Variants in PTPRQ observed in about 807,000 individuals in gnomAD.
PTPRQ encodes the protein phosphatidylinositol phosphatase PTPRQ.
Under a neutral mutation model 246.0 loss-of-function variants are expected in PTPRQ, and 199 were observed. That is an observed-to-expected ratio of 0.81 (90% confidence interval 0.72 to 0.91). The LOEUF (loss-of-function observed/expected upper bound fraction) is 0.91, where lower values mean the gene tolerates loss of function less well. Ranked by LOEUF, PTPRQ falls within the 40% of genes least tolerant of loss-of-function variation. The pLI is 0.00. For synonymous variants in PTPRQ, 869 were observed against 853.2 expected, an observed-to-expected ratio of 1.02 and a Z score of -0.32; for missense variants, 2,624 against 2,528.4, an observed-to-expected ratio of 1.04 and a Z score of -0.81.
rs544814026 is a variant in PTPRQ, at chr12:80,516,678, C to T, written c.2678+6235C>T. On this transcript the variant is annotated intron_variant, in intron 17 of 44. Coordinates refer to ENST00000644991, the MANE Select transcript of PTPRQ (RefSeq NM_001145026.2). ...TCTGAATCCTAAAAAAGTATACCTA[C>T]TCTAGTTTCTCCAAGTTTTCTAAAA... Among the ~76,000 whole-genome samples, 3 of 152,294 alleles carry T rather than the reference C, an allele frequency of 2.0e-5. No individual in the cohort carries two copies. In the East Asian group the frequency reaches 5.8e-4, roughly 29 times the overall value.
Position 80,444,385 on chromosome 12 carries a change from A to G in PTPRQ, c.40A>G (p.Thr14Ala). The G allele has an allele frequency of 6.8e-7, 1 of 1,476,160 alleles. No individual in the cohort carries two copies. Among genetic ancestry groups the G allele is most frequent in the Non-Finnish European group, 9.2e-7 (1 of 1,081,276 alleles). 91.4% of individuals were successfully genotyped at this position (1,476,160 alleles called of 1,614,324 possible). ...CATTTTTCTTTTACTTTTTATTGGGACTTCAGAGACACAGGTATTTCGTAT... is the reference window on the plus strand; with the variant it reads ...CATTTTTCTTTTACTTTTTATTGGGGCTTCAGAGACACAGGTATTTCGTAT... The part of the protein sequence containing the change: ...LIIFLLLFIG[T>A]SETQVDVSNV... Residue 14 changes from threonine to alanine, a missense_variant, in exon 1 of 45, where the codon ACT becomes GCT. Coordinates refer to ENST00000644991, the MANE Select transcript of PTPRQ (RefSeq NM_001145026.2).
At chr12:80,493,781 C>T (rs568171094) in intron 10 of PTPRQ, among the ~76,000 whole-genome samples, 15 of 152,086 alleles carry the variant, frequency 9.9e-5, no homozygotes, top group African/African-American at 2.9e-4. Context: ...ATTTACAGGC[C>T]TCACATTCTC....
Position 80,468,702 on chromosome 12 carries a change from T to C in PTPRQ, c.911-8T>C. The C allele has an allele frequency of 6.5e-7, 1 of 1,527,204 alleles. No homozygotes were observed. Among genetic ancestry groups the C allele is most frequent in the African/African-American group, 1.4e-5 (1 of 72,138 alleles). 94.6% of individuals were successfully genotyped at this position (1,527,204 alleles called of 1,614,324 possible). On this transcript the variant is annotated splice_region_variant and splice_polypyrimidine_tract_variant and intron_variant, in intron 6 of 44. Transcript: ENST00000644991. ...ATGTTATGTATTTATTTTCTATAAT[T>C]ATTTTAGTGCCTGAAGGACCACCAC...
chr12:80,486,958 T>C (rs1426838043), intron 9 of PTPRQ, among the ~76,000 whole-genome samples: 1 of 152,146 alleles, frequency 6.6e-6, no homozygotes, highest in East Asian at 1.9e-4. Context: ...TCTTTGGCCT[T>C]GCACAATTAA....
chr12:80,674,690 TATTTTCAA>T (rs1456465132), intron 43 of PTPRQ, among the ~76,000 whole-genome samples: 1 of 152,202 alleles, frequency 6.6e-6, no homozygotes, highest in Admixed American at 6.5e-5. Context: ...GAATAAGGAA[TATTTTCAA>T]AACCTTGCTA....
At chr12:80,474,094 C>G (rs1223042226) in intron 8 of PTPRQ, among the ~76,000 whole-genome samples, 1 of 152,236 alleles carries the variant, frequency 6.6e-6, no homozygotes, top group African/African-American at 2.4e-5. Flanking sequence ...CTTTCTACTT[C>G]TGACACCACT....
chr12:80,536,563 A>G (rs1592627319), intron 19 of PTPRQ, among the ~76,000 whole-genome samples: 2 of 152,148 alleles, frequency 1.3e-5, no homozygotes, highest in Admixed American at 1.3e-4. Context: ...TGTAGATATA[A>G]TTATAGCTGT....
intron 30 of PTPRQ, among the ~76,000 whole-genome samples, chr12:80,617,517 C>T (rs955513016): frequency 6.6e-6 from 1 of 151,304 alleles, no homozygotes; most frequent in African/African-American, 2.4e-5. Context: ...TTAAATTTAT[C>T]TTTGTTATTC....
At chr12:80,655,023 T>C (rs1900386565) in intron 38 of PTPRQ, among the ~76,000 whole-genome samples, 1 of 152,156 alleles carries the variant, frequency 6.6e-6, no homozygotes, top group African/African-American at 2.4e-5. Flanking sequence ...TTATTAAGAT[T>C]TCAGTGCATT....
intron 39 of PTPRQ, among the ~76,000 whole-genome samples, chr12:80,664,502 C>T (rs975285129): frequency 9.9e-5 from 15 of 151,946 alleles, no homozygotes; most frequent in Admixed American, 7.9e-4. Flanking sequence ...AGGAATTCTC[C>T]CTTCTGCATC....
intron 7 of PTPRQ, among the ~76,000 whole-genome samples, chr12:80,471,501 A>G (rs4370993): frequency 0.87 from 16,471 of 18,934 alleles, 7,552 homozygotes; most frequent in Non-Finnish European, 0.96. Flanking sequence ...TATTTGAGAC[A>G]GAGTCTCGCT....
intron 43 of PTPRQ, among the ~76,000 whole-genome samples, chr12:80,678,284 C>T (rs1335219429): frequency 3.3e-5 from 5 of 152,014 alleles, no homozygotes; most frequent in African/African-American, 9.7e-5. Flanking sequence ...TTAGGTCTAA[C>T]AGGAAAAAAA....
chr12:80,512,960 C>T (rs986362926), intron 17 of PTPRQ, among the ~76,000 whole-genome samples: 1 of 152,108 alleles, frequency 6.6e-6, no homozygotes, highest in Admixed American at 6.6e-5. Flanking sequence ...TGCCCCCCTG[C>T]TCAAACCTCT....
chr12:80,632,644 G>A (rs1025089773), intron 34 of PTPRQ, among the ~76,000 whole-genome samples: 1 of 152,170 alleles, frequency 6.6e-6, no homozygotes, highest in Non-Finnish European at 1.5e-5. Flanking sequence ...TTAACTTGAA[G>A]GAGAGAGGAC....
chr12:80,645,072 G>A (rs1306081160), intron 35 of PTPRQ, among the ~76,000 whole-genome samples: 1 of 151,998 alleles, frequency 6.6e-6, no homozygotes, highest in East Asian at 1.9e-4. Flanking sequence ...AAACATAAAT[G>A]TGAAGAACAG....
intron 26 of PTPRQ, among the ~76,000 whole-genome samples, chr12:80,599,794 A>T (rs1016419267): frequency 7.3e-5 from 11 of 151,230 alleles, no homozygotes; most frequent in African/African-American, 2.7e-4. Flanking sequence ...TAAATTACCT[A>T]TGAATTAATC....
At chr12:80,561,885 C>A (rs1318263837) in intron 25 of PTPRQ, among the ~76,000 whole-genome samples, 10 of 152,078 alleles carry the variant, frequency 6.6e-5, no homozygotes, top group Admixed American at 5.9e-4. Flanking sequence ...GCATTCAATT[C>A]TTTTACCATT....
At chr12:80,562,951 G>C (rs1056734735) in intron 25 of PTPRQ, among the ~76,000 whole-genome samples, 1 of 151,660 alleles carries the variant, frequency 6.6e-6, no homozygotes, top group Non-Finnish European at 1.5e-5. Context: ...AAAAAAATAA[G>C]AGAATACTAC....
chr12:80,567,556 C>T (rs931931154), intron 25 of PTPRQ, among the ~76,000 whole-genome samples: 1 of 152,184 alleles, frequency 6.6e-6, no homozygotes, highest in African/African-American at 2.4e-5. Context: ...ATTAGTTTCA[C>T]TTGTTCTTAA....
Sources: allele counts gnomAD v4.1 joint callset (sites outside exome capture counted in the v4.1 genomes callset), GRCh38; gene constraint gnomAD v4.1.1; transcripts MANE v1.5; gene names NCBI Gene and HGNC (gene_info 2026-07-23, HGNC 2026-07-21).